Variants in PRKG1 observed in about 807,000 individuals in gnomAD.
PRKG1 encodes cGMP-dependent protein kinase 1.
In PRKG1, 35 loss-of-function variants were observed where a neutral mutation model predicts 88.1. That is an observed-to-expected ratio of 0.40 (90% CI 0.30 to 0.53). PRKG1 has a LOEUF of 0.53. Among genes scored for constraint, PRKG1 ranks in the 20% least tolerant of loss-of-function variants. The pLI is 0.59. For synonymous variants in PRKG1, 303 were observed against 292.5 expected (o/e 1.04, Z -0.37); for missense variants, 540 against 839.8 (o/e 0.64, Z 4.41).
chr10:51,244,317 T>G (rs1046334120), intron 2 of PRKG1, among the ~76,000 whole-genome samples: 1 of 151,544 alleles, frequency 6.6e-6, no homozygotes, highest in African/African-American at 2.4e-5. Flanking sequence ...CCTTTTTTTT[T>G]TTTTTTTTAC....
chr10:51,184,887 T>G (rs994052296), intron 2 of PRKG1, among the ~76,000 whole-genome samples: 3 of 152,170 alleles, frequency 2.0e-5, no homozygotes, highest in Non-Finnish European at 2.9e-5. Flanking sequence ...AATGGAGCTC[T>G]GGCACTTATA....
chr10:51,834,549 G>C (rs1840079011), intron 4 of PRKG1, among the ~76,000 whole-genome samples: 1 of 151,988 alleles, frequency 6.6e-6, no homozygotes, highest in Non-Finnish European at 1.5e-5. Context: ...GCTGAGGTGG[G>C]AGGATTGTTT....
chr10:52,174,627 C>A (rs897984291), intron 9 of PRKG1, among the ~76,000 whole-genome samples: 1 of 151,900 alleles, frequency 6.6e-6, no homozygotes, highest in East Asian at 1.9e-4. Flanking sequence ...TGGGTTGTGT[C>A]TCTATTGCTC....
intron 2 of PRKG1, among the ~76,000 whole-genome samples, chr10:51,211,895 G>C (rs904500940): frequency 6.6e-6 from 1 of 152,118 alleles, no homozygotes; most frequent in Admixed American, 6.6e-5. Context: ...TACTGCCCAA[G>C]GTAATTTATA....
intron 1 of PRKG1, among the ~76,000 whole-genome samples, chr10:51,012,447 T>A (rs955049289): frequency 5.9e-5 from 9 of 152,216 alleles, no homozygotes; most frequent in Admixed American, 5.2e-4. Context: ...AAGTAGTCAT[T>A]ACCTCTGTAA....
chr10:51,064,856 C>A (rs1048913921), intron 1 of PRKG1, among the ~76,000 whole-genome samples: 27 of 151,942 alleles, frequency 1.8e-4, no homozygotes, highest in Non-Finnish European at 4.4e-5. Flanking sequence ...GATTTTATAT[C>A]TAGGGCCTAC....
chr10:52,013,278 G>T (rs1026044976), intron 5 of PRKG1, among the ~76,000 whole-genome samples: 2 of 152,164 alleles, frequency 1.3e-5, no homozygotes, highest in Non-Finnish European at 2.9e-5. Flanking sequence ...AATTTGCCAG[G>T]CGTGGTGGTG....
At chr10:52,008,562 A>T (rs1212742038) in intron 5 of PRKG1, among the ~76,000 whole-genome samples, 2 of 152,134 alleles carry the variant, frequency 1.3e-5, no homozygotes, top group African/African-American at 4.8e-5. Flanking sequence ...ACAATCTCCC[A>T]AAACTCAACC....
intron 3 of PRKG1, among the ~76,000 whole-genome samples, chr10:51,506,269 C>A (rs367958000): frequency 0.017 from 2,643 of 152,118 alleles, 56 homozygotes; most frequent in African/African-American, 0.044. Flanking sequence ...TCTAAAACAC[C>A]AAAAGCAATG....
rs201435293 is a variant in PRKG1, at chr10:51,969,074, TA to T, written c.762+61510del. ...TACATAGAAAATATCAGGGTATGAT[TA>T]AAAAACATGGTAAATGTTAACATTG... is the stretch of plus-strand genomic sequence containing the variant. On this transcript the variant is annotated intron_variant, in intron 5 of 17. Coordinates refer to ENST00000373980, the MANE Select transcript of PRKG1 (RefSeq NM_006258.4). Among the ~76,000 whole-genome samples, 1,052 of 152,212 alleles carry T rather than the reference TA, an allele frequency of 6.9e-3. 11 individuals carry two copies. Among genetic ancestry groups the T allele is most frequent in the Admixed American group, 0.018 (269 of 15,290 alleles).
chr10:51,449,181 T>A (rs371297518), intron 2 of PRKG1, among the ~76,000 whole-genome samples: 20 of 152,052 alleles, frequency 1.3e-4, no homozygotes, highest in African/African-American at 4.6e-4. Context: ...ATTTTAGTTG[T>A]GTCAAACTTG....
At chr10:51,636,503 T>A (rs1013445352) in intron 3 of PRKG1, among the ~76,000 whole-genome samples, 2 of 152,228 alleles carry the variant, frequency 1.3e-5, no homozygotes, top group African/African-American at 2.4e-5. Context: ...CACAGCTATG[T>A]GAGTGAGAAC....
At chr10:51,772,016 G>A (rs1838317016) in intron 3 of PRKG1, among the ~76,000 whole-genome samples, 1 of 151,430 alleles carries the variant, frequency 6.6e-6, no homozygotes, top group Admixed American at 6.6e-5. Context: ...ATTACTACTA[G>A]GAAGCCCTCA....
intron 3 of PRKG1, among the ~76,000 whole-genome samples, chr10:51,794,570 G>A (rs1367706113): frequency 6.6e-6 from 1 of 151,960 alleles, no homozygotes; most frequent in Non-Finnish European, 1.5e-5. Context: ...TGTATATATA[G>A]TGACAGTAGT....
intron 8 of PRKG1, among the ~76,000 whole-genome samples, chr10:52,148,949 T>C (rs2132663207): frequency 6.9e-6 from 1 of 145,022 alleles, no homozygotes; most frequent in South Asian, 2.2e-4. Flanking sequence ...CCACAGAGGA[T>C]AGTTTTGCTT....
Position 51,309,413 on chromosome 10 carries a change from C to A in PRKG1, c.478+156083C>A, listed in dbSNP as rs553191676. On this transcript the variant is annotated intron_variant, in intron 2 of 17. Coordinates refer to ENST00000373980, the MANE Select transcript of PRKG1 (RefSeq NM_006258.4). ...TGACAGCAAAAACAACAAAAATAAC[C>A]CCATTAAAAAGTGGACAAAGGACAT... is the stretch of plus-strand genomic sequence containing the variant. Among the ~76,000 whole-genome samples the A allele has an allele frequency of 5.3e-5, 8 of 152,036 alleles. No individual in the cohort carries two copies. The South Asian group carries it at 1.7e-3, about 32-fold the overall frequency.
intron 3 of PRKG1, among the ~76,000 whole-genome samples, chr10:51,690,466 T>C (rs1421653480): frequency 6.6e-6 from 1 of 152,230 alleles, no homozygotes; most frequent in Non-Finnish European, 1.5e-5. Flanking sequence ...TTTAAATTAC[T>C]GTGCCTGTTA....
At chr10:51,162,982 C>T (rs1352409934) in intron 2 of PRKG1, among the ~76,000 whole-genome samples, 2 of 152,050 alleles carry the variant, frequency 1.3e-5, no homozygotes, top group East Asian at 3.9e-4. Context: ...GGCTCTCAAA[C>T]TTTTGGGATT....
chr10:51,052,401 GT>G (rs1182788317), intron 1 of PRKG1, among the ~76,000 whole-genome samples: 1 of 152,132 alleles, frequency 6.6e-6, no homozygotes, highest in Non-Finnish European at 1.5e-5. Context: ...CCAATGCCCA[GT>G]TTGAATATTC....
Sources: gnomAD v4.1 joint callset for allele counts (sites outside exome capture counted in the v4.1 genomes callset) on GRCh38, gnomAD v4.1.1 for gene constraint, MANE v1.5 for transcripts, NCBI Gene and HGNC (gene_info 2026-07-23, HGNC 2026-07-21) for gene names.